The following GRID2 variants were observed in gnomAD, a reference collection of about 807,000 sequenced individuals.
The protein encoded by GRID2 is glutamate receptor ionotropic, delta-2.
A neutral mutation model predicts 114.8 loss-of-function variants in GRID2; 33 were observed. The ratio of observed to expected loss-of-function variants is 0.29; its 90% CI spans 0.22 to 0.38. The LOEUF is 0.38. Ranked by LOEUF, GRID2 falls within the 10% of genes least tolerant of loss-of-function variation. The probability of loss-of-function intolerance (pLI) is 1.00; values close to 1 mark genes in which losing one functional copy is unlikely to be tolerated. For synonymous variants in GRID2, 505 were observed against 449.9 expected (o/e 1.12, Z -1.55); for missense variants, 1,184 against 1,257.7 (o/e 0.94, Z 0.89).
chr4:93,653,386 C>A (rs1722754348), intron 14 of GRID2, among the ~76,000 whole-genome samples: 1 of 152,148 alleles, frequency 6.6e-6, no homozygotes, highest in Non-Finnish European at 1.5e-5. Flanking sequence ...TCCAGTGTAT[C>A]TCAGGCTTTT....
At chr4:92,793,687 G>A (rs901905550) in intron 2 of GRID2, among the ~76,000 whole-genome samples, 1 of 151,846 alleles carries the variant, frequency 6.6e-6, no homozygotes, top group Non-Finnish European at 1.5e-5. Flanking sequence ...AGTAGAATAT[G>A]TGTTTTGGGA....
At chr4:93,271,703 GA>G (rs1252487368) in intron 8 of GRID2, among the ~76,000 whole-genome samples, 1 of 152,052 alleles carries the variant, frequency 6.6e-6, no homozygotes, top group African/African-American at 2.4e-5. Context: ...TAAATTTTTT[GA>G]AAAGTAAGGA....
At chr4:92,307,131 A>G (rs150609823) in intron 1 of GRID2, among the ~76,000 whole-genome samples, 15 of 152,318 alleles carry the variant, frequency 9.8e-5, no homozygotes, top group African/African-American at 3.4e-4. Context: ...GTCCATATTA[A>G]AATTGTAAAG....
intron 2 of GRID2, among the ~76,000 whole-genome samples, chr4:93,018,401 A>G (rs1317890948): frequency 6.6e-6 from 1 of 152,134 alleles, no homozygotes; most frequent in African/African-American, 2.4e-5. Flanking sequence ...ACTAGCTAAT[A>G]TCAGCTTGTT....
intron 1 of GRID2, among the ~76,000 whole-genome samples, chr4:92,545,438 T>G (rs1726197438): frequency 6.6e-6 from 1 of 152,300 alleles, no homozygotes; most frequent in Admixed American, 6.5e-5. Flanking sequence ...CATAATGCTT[T>G]AAAATATACG....
chr4:92,439,120 A>G (rs974399997), intron 1 of GRID2, among the ~76,000 whole-genome samples: 9 of 151,636 alleles, frequency 5.9e-5, no homozygotes, highest in African/African-American at 2.2e-4. Context: ...AATTACAGTC[A>G]AAGGGGGCTT....
chr4:92,498,740 C>T (rs1224298484), intron 1 of GRID2, among the ~76,000 whole-genome samples: 1 of 151,530 alleles, frequency 6.6e-6, no homozygotes, highest in Non-Finnish European at 1.5e-5. Flanking sequence ...AGCATAATCC[C>T]ATCGACATTC....
chr4:92,463,778 AT>A (rs1464639170), intron 1 of GRID2, among the ~76,000 whole-genome samples: 1 of 151,940 alleles, frequency 6.6e-6, no homozygotes, highest in African/African-American at 2.4e-5. Flanking sequence ...TACTATTTTA[AT>A]AGGTATTTAA....
rs576744472 is a variant in GRID2, at chr4:93,596,283, T to C, written c.2194-29986T>C. On this transcript the variant is annotated intron_variant, in intron 13 of 15. Transcript: ENST00000282020. ...ACCCCAATATGGCTTTCTTAGAAAA[T>C]AAAGGCTACTTGAGGGCTGGGTGCG... Among the ~76,000 whole-genome samples the C allele has an allele frequency of 2.4e-4, 36 of 152,258 alleles. No homozygotes were observed. The South Asian group carries it at 5.8e-3, about 25-fold the overall frequency.
At chr4:93,004,994 A>G (rs989708415) in intron 2 of GRID2, among the ~76,000 whole-genome samples, 2 of 151,886 alleles carry the variant, frequency 1.3e-5, no homozygotes, top group Non-Finnish European at 2.9e-5. Context: ...TTACTTCTAC[A>G]TGATCTAGGG....
chr4:93,719,599 A>G (rs1729186297), intron 14 of GRID2, among the ~76,000 whole-genome samples: 2 of 152,198 alleles, frequency 1.3e-5, no homozygotes, highest in Admixed American at 1.3e-4. Flanking sequence ...GGCATCAATC[A>G]GATCCATAGG....
At chr4:93,743,886 A>G (rs1240773131) in intron 14 of GRID2, among the ~76,000 whole-genome samples, 1 of 152,188 alleles carries the variant, frequency 6.6e-6, no homozygotes, top group Non-Finnish European at 1.5e-5. Context: ...AGTAGAAGTC[A>G]ATGCTTGACT....
intron 2 of GRID2, among the ~76,000 whole-genome samples, chr4:92,751,538 T>C (rs1471236863): frequency 4.6e-5 from 7 of 152,172 alleles, no homozygotes; most frequent in Non-Finnish European, 8.8e-5. Flanking sequence ...TTCTTAGAAA[T>C]AGACAAGCTT....
intron 1 of GRID2, among the ~76,000 whole-genome samples, chr4:92,447,941 C>T (rs548468126): frequency 4.6e-5 from 7 of 152,152 alleles, no homozygotes; most frequent in African/African-American, 1.2e-4. Flanking sequence ...TATTCTGAAC[C>T]CTTGCTGACT....
chr4:92,680,375 A>G (rs1733592032), intron 2 of GRID2, among the ~76,000 whole-genome samples: 1 of 152,170 alleles, frequency 6.6e-6, no homozygotes, highest in Non-Finnish European at 1.5e-5. Context: ...CTGTAGGAAT[A>G]CAAATGTGAA....
intron 2 of GRID2, among the ~76,000 whole-genome samples, chr4:92,818,686 T>G (rs1741069846): frequency 6.6e-6 from 1 of 152,112 alleles, no homozygotes; most frequent in South Asian, 2.1e-4. Context: ...ATCTCTTACC[T>G]CACCCAGAGC....
chr4:93,343,673 C>G (rs1308387314), intron 8 of GRID2, among the ~76,000 whole-genome samples: 2 of 97,166 alleles, frequency 2.1e-5, no homozygotes, highest in Non-Finnish European at 4.2e-5. Context: ...GATTATTCAT[C>G]AAAAAAATTT....
At chr4:93,389,740 A>G (rs1764660665) in intron 8 of GRID2, among the ~76,000 whole-genome samples, 1 of 152,100 alleles carries the variant, frequency 6.6e-6, no homozygotes, top group African/African-American at 2.4e-5. Context: ...GAGGTTAAGT[A>G]GCCATTCTAT....
chr4:93,180,644 A>G (rs1229464402), intron 4 of GRID2, among the ~76,000 whole-genome samples: 2 of 152,124 alleles, frequency 1.3e-5, no homozygotes, highest in South Asian at 2.1e-4. Context: ...TGCTTTATCA[A>G]TTAAGTTGAT....
Sources: allele counts gnomAD v4.1 joint callset (sites outside exome capture counted in the v4.1 genomes callset), GRCh38; gene constraint gnomAD v4.1.1; transcripts MANE v1.5; gene names NCBI Gene and HGNC (gene_info 2026-07-23, HGNC 2026-07-21).